Variants in AGMO observed in about 807,000 individuals in gnomAD.
AGMO encodes alkylglycerol monooxygenase.
Under a neutral mutation model 60.2 loss-of-function variants are expected in AGMO, and 75 were observed. The observed-to-expected ratio is 1.25, with a 90% confidence interval of 1.03 to 1.51. The LOEUF is 1.51. Among genes scored for constraint, AGMO ranks in the 40% most tolerant of loss-of-function variants. The pLI is 0.00. For missense variants in AGMO, 763 were observed against 525.5 expected, an observed-to-expected ratio of 1.45 and a Z score of -4.42; for synonymous variants, 261 against 177.1, an observed-to-expected ratio of 1.47 and a Z score of -3.76.
intron 2 of AGMO, among the ~76,000 whole-genome samples, chr7:15,554,315 T>C (rs1785066736): frequency 6.6e-6 from 1 of 152,070 alleles, no homozygotes. Flanking sequence ...TGTACGTATA[T>C]AGTAAGCTTA....
At chr7:15,138,323 C>T in the AGMO span, among the ~76,000 whole-genome samples, 2 of 152,146 alleles carry the variant, frequency 1.3e-5, no homozygotes, top group East Asian at 1.9e-4. Context: ...ATTTTGTATA[C>T]GTCTCACGAC....
intron 3 of AGMO, among the ~76,000 whole-genome samples, chr7:15,479,977 C>G (rs1782707608): frequency 6.6e-6 from 1 of 152,014 alleles, no homozygotes; most frequent in Non-Finnish European, 1.5e-5. Flanking sequence ...CAAAAAAAAG[C>G]AACATGAATC....
At chr7:15,451,716 G>A (rs190994678) in intron 3 of AGMO, among the ~76,000 whole-genome samples, 9 of 152,080 alleles carry the variant, frequency 5.9e-5, no homozygotes, top group Admixed American at 3.9e-4. Flanking sequence ...TAAATTTAAA[G>A]GAGTTTAATT....
intron 3 of AGMO, among the ~76,000 whole-genome samples, chr7:15,525,525 G>A (rs937047164): frequency 1.3e-4 from 20 of 152,094 alleles, no homozygotes; most frequent in African/African-American, 4.8e-4. Flanking sequence ...AGCCCCAGCT[G>A]AGAGAGAGAC....
intron 12 of AGMO, among the ~76,000 whole-genome samples, chr7:15,333,602 T>TAAAAAAAAAAAAAAAAAA (rs199764355): frequency 7.8e-6 from 1 of 128,332 alleles, no homozygotes; most frequent in Non-Finnish European, 1.7e-5. Flanking sequence ...CTACTGAATT[T>TAAAAAAAAAAAAAAAAAA]AAAAAAAAAA....
chr7:15,383,819 C>T (rs1269202600), intron 10 of AGMO, among the ~76,000 whole-genome samples: 1 of 151,682 alleles, frequency 6.6e-6, no homozygotes, highest in Admixed American at 6.6e-5. Flanking sequence ...TTGTATTTTT[C>T]TTTTTAGGCT....
intron 12 of AGMO, among the ~76,000 whole-genome samples, chr7:15,212,406 C>T (rs1032463433): frequency 5.3e-5 from 8 of 151,748 alleles, no homozygotes; most frequent in Admixed American, 5.3e-4. Context: ...TTATGCCAGG[C>T]CTTTCACTCT....
intron 12 of AGMO, chr7:15,358,463 T>A (rs978143317): frequency 1.5e-5 from 7 of 469,856 alleles, no homozygotes; most frequent in South Asian, 3.1e-5. Flanking sequence ...GTGAGATACG[T>A]ACTAATTAAT....
At chr7:15,555,631 T>C (rs1323660764) in intron 2 of AGMO, among the ~76,000 whole-genome samples, 1 of 151,924 alleles carries the variant, frequency 6.6e-6, no homozygotes, top group Non-Finnish European at 1.5e-5. Flanking sequence ...CATAAAACCA[T>C]AAACCTTTAT....
At chr7:15,183,193 T>C in the AGMO span, among the ~76,000 whole-genome samples, 2 of 152,104 alleles carry the variant, frequency 1.3e-5, no homozygotes, top group African/African-American at 4.8e-5. Flanking sequence ...TATATGTCTA[T>C]TCTATCCTCT....
chr7:15,130,220 T>C, the AGMO span, among the ~76,000 whole-genome samples: 2 of 152,110 alleles, frequency 1.3e-5, no homozygotes, highest in African/African-American at 4.8e-5. Context: ...ATGATAATTA[T>C]ATTTCAGAAC....
intron 12 of AGMO, among the ~76,000 whole-genome samples, chr7:15,269,186 G>A (rs1783522219): frequency 1.3e-5 from 2 of 152,024 alleles, no homozygotes; most frequent in African/African-American, 2.4e-5. Context: ...ATAATAATAG[G>A]CCGTAGTCCA....
intron 3 of AGMO, among the ~76,000 whole-genome samples, chr7:15,445,703 T>G (rs1372275248): frequency 6.6e-6 from 1 of 152,308 alleles, no homozygotes; most frequent in East Asian, 1.9e-4. Flanking sequence ...AGAATATGAC[T>G]ACACCAAATG....
At position 15,418,610 on chromosome 7, in the gene AGMO, T is replaced by C; in HGVS notation, c.557A>G (p.Tyr186Cys). ...AAGATTGAATTGAAGATGAACAGCA[T>C]ATACTGAAGGGGGTATGAAGAGGGC... ...PLALFIPPSV[Y>C]AVHLQFNLLY... Residue 186 changes from tyrosine (Y) to cysteine (C), a missense_variant, in exon 5 of 13, where the codon TAT becomes TGT. Physicochemically the swap from Tyr to Cys is radical, Grantham distance 194. Transcript: ENST00000342526. 6.3e-7 allele frequency: 1 copy of C among 1,584,492 alleles called. No individual in the cohort carries two copies. Among genetic ancestry groups the C allele is most frequent in the East Asian group, 2.3e-5 (1 of 43,166 alleles).
chr7:15,136,446 T>G, the AGMO span, among the ~76,000 whole-genome samples: 3 of 152,218 alleles, frequency 2.0e-5, no homozygotes, highest in African/African-American at 4.8e-5. Flanking sequence ...CATTCCTTTC[T>G]GCAGTTGAGT....
At chr7:15,501,929 A>G (rs967968934) in intron 3 of AGMO, among the ~76,000 whole-genome samples, 2 of 152,056 alleles carry the variant, frequency 1.3e-5, no homozygotes, top group African/African-American at 4.8e-5. Context: ...TAAAATTGCC[A>G]TATCATTTTT....
chr7:15,299,970 A>T (rs933929290), intron 12 of AGMO, among the ~76,000 whole-genome samples: 3 of 152,114 alleles, frequency 2.0e-5, no homozygotes, highest in African/African-American at 7.2e-5. Context: ...GCAAATAGTT[A>T]CAGAGGGAAG....
At chr7:15,446,773 T>C (rs1781709229) in intron 3 of AGMO, among the ~76,000 whole-genome samples, 1 of 152,152 alleles carries the variant, frequency 6.6e-6, no homozygotes. Context: ...TAATGCCTCG[T>C]TTGTTCTTTG....
chr7:15,247,125 G>A (rs1050953258), intron 12 of AGMO, among the ~76,000 whole-genome samples: 1 of 151,418 alleles, frequency 6.6e-6, no homozygotes, highest in African/African-American at 2.4e-5. Flanking sequence ...TTATTTATTA[G>A]AACATTCATC....
Sources: allele counts gnomAD v4.1 joint callset (sites outside exome capture counted in the v4.1 genomes callset), GRCh38; gene constraint gnomAD v4.1.1; transcripts MANE v1.5; gene names NCBI Gene and HGNC (gene_info 2026-07-23, HGNC 2026-07-21).